Variants in TMEM63C observed in about 807,000 individuals in gnomAD.
The protein encoded by TMEM63C is osmosensitive cation channel TMEM63C.
TMEM63C carries 32 observed loss-of-function variants against 99.2 expected under a neutral mutation model. The observed-to-expected ratio is 0.32, with a 90% CI of 0.24 to 0.43. TMEM63C has a LOEUF of 0.43. Among genes scored for constraint, TMEM63C ranks in the 20% least tolerant of loss-of-function variants. The pLI, the probability that TMEM63C is intolerant of heterozygous loss-of-function variation, is 1.00. For missense variants in TMEM63C, 826 were observed against 1,053.0 expected (o/e 0.78, Z 2.98); for synonymous variants, 376 against 397.9 (o/e 0.94, Z 0.66).
intron 1 of TMEM63C, among the ~76,000 whole-genome samples, chr14:77,195,553 G>A (rs1888200415): frequency 6.6e-6 from 1 of 152,204 alleles, no homozygotes; most frequent in African/African-American, 2.4e-5. Context: ...CCTTCCACCT[G>A]CATTTTAGCA....
intron 13 of TMEM63C, 136 bp downstream of exon 13, chr14:77,240,744 C>A: frequency 8.7e-7 from 1 of 1,154,892 alleles, no homozygotes; most frequent in Non-Finnish European, 1.2e-6. Flanking sequence ...TGCCATCTGG[C>A]TCTCCAGTGG....
Position 77,257,049 on chromosome 14 carries a change from G to A in TMEM63C, c.*323G>A, listed in dbSNP as rs1889476576. On this transcript the variant is annotated 3_prime_UTR_variant, in exon 24 of 24. Coordinates refer to ENST00000298351, the MANE Select transcript of TMEM63C (RefSeq NM_020431.4). ...CCTTCCTGGGACCAAGATGGAGAAG[G>A]TGTTCCTAAGGGAGGAGACAGAAGG... 1 of 293,612 alleles carries A rather than the reference G, an allele frequency of 3.4e-6. No homozygotes were observed. Among genetic ancestry groups the A allele is most frequent in the East Asian group, 7.2e-5 (1 of 13,838 alleles). The allele number at this position is 293,612 out of a possible 1,614,324, so 18.2% of individuals were successfully genotyped here.
chr14:77,203,656 T>C (rs1888342214), intron 1 of TMEM63C, among the ~76,000 whole-genome samples: 1 of 152,270 alleles, frequency 6.6e-6, no homozygotes. Context: ...AGGCCATATG[T>C]AATGGATCCC....
At chr14:77,246,098 C>A in intron 17 of TMEM63C, 72 bp downstream of exon 17, 1 of 1,176,742 alleles carries the variant, frequency 8.5e-7, no homozygotes, top group Non-Finnish European at 1.3e-6. Flanking sequence ...CTTTCAGATA[C>A]TGTAGACCTG....
At chr14:77,205,530 C>A (rs905468830) in intron 1 of TMEM63C, among the ~76,000 whole-genome samples, 20 of 152,198 alleles carry the variant, frequency 1.3e-4, no homozygotes, top group Non-Finnish European at 2.8e-4. Context: ...TCAGCAAGAC[C>A]AGGGGGTGTA....
At chr14:77,207,027 C>T (rs1019465803) in intron 1 of TMEM63C, among the ~76,000 whole-genome samples, 2 of 152,174 alleles carry the variant, frequency 1.3e-5, no homozygotes, top group African/African-American at 2.4e-5. Flanking sequence ...TGCCCAGCTC[C>T]CAGGGGCCTG....
At chr14:77,190,117 GATT>G (rs78866424) in intron 1 of TMEM63C, among the ~76,000 whole-genome samples, 47 of 56,304 alleles carry the variant, frequency 8.3e-4, no homozygotes, top group Non-Finnish European at 1.6e-3. Context: ...ATAGAATTAT[GATT>G]ATTATTATTA....
intron 2 of TMEM63C, among the ~76,000 whole-genome samples, chr14:77,218,381 C>T (rs370820821): frequency 6.6e-6 from 1 of 152,152 alleles, no homozygotes; most frequent in Admixed American, 6.5e-5. Flanking sequence ...TCTGCATGGG[C>T]GTTCCGTGAA....
intron 13 of TMEM63C, 143 bp downstream of exon 13, chr14:77,240,751 GT>G (rs757191666): frequency 1.1e-4 from 124 of 1,114,040 alleles, no homozygotes; most frequent in Admixed American, 3.9e-4. Context: ...TGGCTCTCCA[GT>G]GGATGAGATG....
chr14:77,236,842 G>A, intron 9 of TMEM63C, 110 bp downstream of exon 9: 3 of 753,014 alleles, frequency 4.0e-6, no homozygotes, highest in Admixed American at 2.1e-5. Context: ...GGGAGACTGT[G>A]ATAGATGGGA....
chr14:77,226,060 A>G (rs1888816660), intron 6 of TMEM63C, among the ~76,000 whole-genome samples: 1 of 152,168 alleles, frequency 6.6e-6, no homozygotes, highest in Admixed American at 6.5e-5. Context: ...AGCAGAGCAG[A>G]CACTTACCGG....
chr14:77,249,462 G>A lies in TMEM63C; in HGVS notation c.2038+4G>A. ...TTCTTCTCCATCCTGCGGTTGGGTA[G>A]GTACCAAGCCAGCCTGGAGACCCCA... On this transcript the variant is annotated splice_donor_region_variant and intron_variant, in intron 21 of 23. Coordinates refer to ENST00000298351, the MANE Select transcript of TMEM63C (RefSeq NM_020431.4). 6.2e-7 allele frequency: 1 copy of A among 1,613,758 alleles called. No individual in the cohort carries two copies.
chr14:77,236,523 C>A, intron 8 of TMEM63C, 101 bp from the exon 9 acceptor site: 3 of 807,544 alleles, frequency 3.7e-6, no homozygotes, highest in South Asian at 1.4e-5. Context: ...GGCTGGGGGG[C>A]CCCAGGAGAC....
intron 16 of TMEM63C, among the ~76,000 whole-genome samples, chr14:77,245,176 G>A (rs765155043): frequency 6.6e-6 from 1 of 152,168 alleles, no homozygotes; most frequent in East Asian, 1.9e-4. Flanking sequence ...GAAACTGCAG[G>A]GATTTTTAGT....
At chr14:77,233,337 G>C (rs575922716) in intron 7 of TMEM63C, 115 bp from the exon 8 acceptor site, 2 of 1,035,266 alleles carry the variant, frequency 1.9e-6, no homozygotes, top group Admixed American at 2.1e-5. Context: ...AGAAGGAAGA[G>C]GAGGTCAAAG....
intron 1 of TMEM63C, among the ~76,000 whole-genome samples, chr14:77,212,086 C>T (rs536413652): frequency 6.6e-6 from 1 of 151,968 alleles, no homozygotes; most frequent in Non-Finnish European, 1.5e-5. Flanking sequence ...GCAGTCTGGG[C>T]CCCTCACCAC....
chr14:77,240,935 TTTTTTTTTTTTC>T (rs1889160971), intron 13 of TMEM63C, among the ~76,000 whole-genome samples: 4 of 31,168 alleles, frequency 1.3e-4, no homozygotes, highest in Non-Finnish European at 2.2e-4. Context: ...CTTTTTCTTT[TTTTTTTTTTTTC>T]TTTTTTTTTT....
chr14:77,215,259 A>T (rs937870713), intron 2 of TMEM63C, among the ~76,000 whole-genome samples: 3 of 151,654 alleles, frequency 2.0e-5, no homozygotes, highest in Non-Finnish European at 4.4e-5. Flanking sequence ...TCCGCCCACC[A>T]CCACCACCTC....
chr14:77,242,436 T>C lies in TMEM63C; in HGVS notation c.1154T>C (p.Val385Ala), dbSNP rs1399455844. 1.2e-6 allele frequency: 2 copies of C among 1,613,404 alleles called. No individual in the cohort carries two copies. Among genetic ancestry groups the C allele is most frequent in the African/African-American group, 2.7e-5 (2 of 74,734 alleles). ...TTIVKSYYWR[V>A]TMAPHPKDII... ...ATCGTCAAATCATATTACTGGAGGGTCACTATGGCCCCACACCCCAAAGAC... is the reference window on the plus strand; with the variant it reads ...ATCGTCAAATCATATTACTGGAGGGCCACTATGGCCCCACACCCCAAAGAC... The change falls in exon 14 of 24, where the codon GTC (valine) becomes GCC (alanine). Residue 385 changes from valine to alanine, a missense_variant. Transcript: ENST00000298351.
Sources: allele counts gnomAD v4.1 joint callset (sites outside exome capture counted in the v4.1 genomes callset), GRCh38; gene constraint gnomAD v4.1.1; transcripts MANE v1.5; gene names NCBI Gene and HGNC (gene_info 2026-07-23, HGNC 2026-07-21).